The following JMJD1C variants were observed in gnomAD, a reference collection of about 807,000 sequenced individuals.
JMJD1C encodes the protein jumonji domain containing 1C.
A neutral mutation model predicts 245.3 loss-of-function variants in JMJD1C; 31 were observed. The observed-to-expected ratio is 0.13, with a 90% CI of 0.09 to 0.17. JMJD1C has a LOEUF of 0.17. Ranked by LOEUF, JMJD1C falls within the 10% of genes least tolerant of loss-of-function variation. The pLI is 1.00. For missense variants in JMJD1C, 2,691 were observed against 3,000.2 expected (o/e 0.90, Z 2.41); for synonymous variants, 1,057 against 1,017.4 (o/e 1.04, Z -0.74).
intron 1 of JMJD1C, among the ~76,000 whole-genome samples, chr10:63,488,397 T>TG (rs1299019075): frequency 2.6e-5 from 4 of 152,048 alleles, no homozygotes; most frequent in Non-Finnish European, 4.4e-5. Flanking sequence ...AAGACCAGTG[T>TG]GGGAAAAAAA....
At chr10:63,404,533 T>C (rs1387607031) in intron 1 of JMJD1C, among the ~76,000 whole-genome samples, 5 of 152,252 alleles carry the variant, frequency 3.3e-5, no homozygotes, top group African/African-American at 1.2e-4. Context: ...AGCTACGTGC[T>C]AGCATACCCA....
chr10:63,451,726 A>G (rs1952081178), intron 1 of JMJD1C, among the ~76,000 whole-genome samples: 1 of 152,152 alleles, frequency 6.6e-6, no homozygotes, highest in Admixed American at 6.5e-5. Flanking sequence ...GCTCTAATCA[A>G]TCCCCCACGA....
In JMJD1C at chr10:63,215,533, A is replaced by G; in HGVS notation, c.822+20T>C. ...AAGGAAAAATATTTTACAGAAATTCATCCCTAATAACATACATACGTGAAC... is the reference window on the plus strand; with the variant it reads ...AAGGAAAAATATTTTACAGAAATTCGTCCCTAATAACATACATACGTGAAC... On this transcript the variant is annotated intron_variant, in intron 6 of 25. Transcript: ENST00000399262. The G allele has an allele frequency of 6.2e-7, 1 of 1,607,630 alleles. No homozygotes were observed. The highest frequency in any genetic ancestry group is 8.5e-7 in the Non-Finnish European group (1 of 1,175,064).
At chr10:63,261,427 AAAT>A (rs1854732663) in intron 3 of JMJD1C, among the ~76,000 whole-genome samples, 1 of 152,114 alleles carries the variant, frequency 6.6e-6, no homozygotes, top group African/African-American at 2.4e-5. Context: ...CTGAAAATAC[AAAT>A]ATTAGCTGGG....
intron 2 of JMJD1C, among the ~76,000 whole-genome samples, chr10:63,295,913 A>C (rs1859318372): frequency 6.8e-6 from 1 of 147,706 alleles, no homozygotes; most frequent in Admixed American, 6.8e-5. Flanking sequence ...GAATACGTGT[A>C]TGTATATACA....
chr10:63,457,666 G>C (rs1477271756), intron 1 of JMJD1C, among the ~76,000 whole-genome samples: 1 of 152,098 alleles, frequency 6.6e-6, no homozygotes, highest in African/African-American at 2.4e-5. Context: ...GAAAGAGAAA[G>C]GGCTCAGAAA....
At chr10:63,474,889 C>T (rs972765955) in intron 1 of JMJD1C, among the ~76,000 whole-genome samples, 11 of 151,272 alleles carry the variant, frequency 7.3e-5, no homozygotes, top group Admixed American at 1.3e-4. Context: ...TAATGTAATA[C>T]GGAAAATGTG....
At chr10:63,201,378 T>C (rs561512690) in intron 10 of JMJD1C, among the ~76,000 whole-genome samples, 2 of 152,282 alleles carry the variant, frequency 1.3e-5, no homozygotes, top group South Asian at 2.1e-4. Flanking sequence ...GCTATCTTTA[T>C]TGATGAATTA....
chr10:63,284,857 T>TCACACA lies in JMJD1C; in HGVS notation c.334-20099_334-20094dup, dbSNP rs57860875. Among the ~76,000 whole-genome samples the TCACACA allele has an allele frequency of 3.6e-3, 486 of 135,440 alleles. 7 individuals are homozygous for TCACACA. The highest frequency in any genetic ancestry group is 3.9e-3 in the South Asian group (15 of 3,826). The allele number at this position is 135,440 out of a possible 152,430, so 88.9% of individuals were successfully genotyped here. ...GATGCCATTCCCTGGCAGGGAAGAT[T>TCACACA]CACACACACACACACACACACACAC... On this transcript the variant is annotated intron_variant, in intron 2 of 25. Coordinates refer to ENST00000399262, the MANE Select transcript of JMJD1C (RefSeq NM_032776.3).
At chr10:63,521,160 G>C (rs1297450793) in intron 1 of JMJD1C, among the ~76,000 whole-genome samples, 4 of 152,144 alleles carry the variant, frequency 2.6e-5, no homozygotes, top group Non-Finnish European at 5.9e-5. Context: ...AGGTTGGTTA[G>C]AGCGCAGGGG....
At chr10:63,260,699 C>T (rs1162795361) in intron 3 of JMJD1C, among the ~76,000 whole-genome samples, 1 of 152,046 alleles carries the variant, frequency 6.6e-6, no homozygotes, top group African/African-American at 2.4e-5. Flanking sequence ...AAGCGATTCT[C>T]CTGCTTCAGC....
intron 10 of JMJD1C, chr10:63,204,707 C>CCCCT: frequency 2.0e-6 from 2 of 985,292 alleles, no homozygotes; most frequent in Non-Finnish European, 2.4e-6. Flanking sequence ...GATGTTAATC[C>CCCCT]CCCTCTCTGT....
intron 2 of JMJD1C, among the ~76,000 whole-genome samples, chr10:63,350,290 A>C (rs1944239230): frequency 6.6e-6 from 1 of 151,658 alleles, no homozygotes; most frequent in Admixed American, 6.6e-5. Flanking sequence ...TAAAGGGTTT[A>C]TGTTTTTTCA....
chr10:63,185,398 C>T (rs1037556464), intron 20 of JMJD1C, among the ~76,000 whole-genome samples, 165 bp downstream of exon 20: 2 of 152,210 alleles, frequency 1.3e-5, no homozygotes, highest in Non-Finnish European at 2.9e-5. Flanking sequence ...TCCCAAAGTG[C>T]TGGGATTATA....
chr10:63,307,259 A>G lies in JMJD1C; in HGVS notation c.334-42495T>C, dbSNP rs181477726. Among the ~76,000 whole-genome samples the G allele has an allele frequency of 1.9e-4, 29 of 152,358 alleles. No individual in the cohort carries two copies. The East Asian group carries it at 5.6e-3, about 29-fold the overall frequency. The stretch of plus-strand genomic sequence containing the variant: ...CAAAAATAGTTAACAGATTTGCTGA[A>G]GCATTTATTTTAAAAACATATATGG... On this transcript the variant is annotated intron_variant, in intron 2 of 25. Coordinates refer to ENST00000399262, the MANE Select transcript of JMJD1C (RefSeq NM_032776.3).
chr10:63,215,857 T>C (rs1847921422), intron 5 of JMJD1C, among the ~76,000 whole-genome samples, 161 bp from the exon 6 acceptor site: 1 of 152,208 alleles, frequency 6.6e-6, no homozygotes, highest in Non-Finnish European at 1.5e-5. Context: ...TAAGACAAAA[T>C]TACCTTTTTA....
At position 63,344,938 on chromosome 10, in the gene JMJD1C, T is replaced by C. The variant is rs529177129; in HGVS notation, c.333+35380A>G. ...AAACATTTCAAGTGGGAATTAAACA[T>C]AGTACAGCTACTCTGGAAAATAGTT... On this transcript the variant is annotated intron_variant, in intron 2 of 25. Transcript: ENST00000399262. Among the ~76,000 whole-genome samples, 5 of 152,288 alleles carry C rather than the reference T, an allele frequency of 3.3e-5. No individual in the cohort carries two copies. The East Asian group carries it at 5.8e-4, about 18-fold the overall frequency.
At chr10:63,232,539 T>C (rs928404914) in intron 3 of JMJD1C, among the ~76,000 whole-genome samples, 5 of 152,112 alleles carry the variant, frequency 3.3e-5, no homozygotes, top group African/African-American at 7.2e-5. Context: ...AAAAATTCCA[T>C]AGTCCTAAGA....
At chr10:63,450,232 G>A (rs1480858934) in intron 1 of JMJD1C, among the ~76,000 whole-genome samples, 1 of 151,806 alleles carries the variant, frequency 6.6e-6, no homozygotes, top group African/African-American at 2.4e-5. Flanking sequence ...TTAGTTAAAT[G>A]CAATTAAAGC....
Sources: gnomAD v4.1 joint callset for allele counts (sites outside exome capture counted in the v4.1 genomes callset) on GRCh38, gnomAD v4.1.1 for gene constraint, MANE v1.5 for transcripts, NCBI Gene and HGNC (gene_info 2026-07-23, HGNC 2026-07-21) for gene names.